DRC11: variants seen among roughly 807,000 people sequenced by gnomAD.
DRC11 encodes dynein regulatory complex subunit 11, also known as IQ and AAA domain-containing protein 1.
At chr2:236,488,105 A>C in the DRC11 span, 4,980 of 1,610,772 alleles carry the variant, frequency 3.1e-3, 121 homozygotes, top group African/African-American at 0.052. Context: ...TCATGAATAA[A>C]GCCCTTAGGC....
chr2:236,465,252 G>A, the DRC11 span, among the ~76,000 whole-genome samples: 5 of 152,310 alleles, frequency 3.3e-5, no homozygotes, highest in South Asian at 8.3e-4. The surrounding 1 kb of genome is among the most constrained non-coding windows in gnomAD (Gnocchi z 6.2). Context: ...GGCCTGTGAA[G>A]TCCTGCCATC....
the DRC11 span, chr2:236,363,769 G>GTAATCCAT: frequency 6.3e-7 from 1 of 1,590,282 alleles, no homozygotes; most frequent in Non-Finnish European, 8.6e-7. This position sits in a 1 kb window ranked among gnomAD's most constrained non-coding sequence, Gnocchi z 5.6. Flanking sequence ...ACCAAGAAAT[G>GTAATCCAT]TAATCCATAC....
chr2:236,439,086 T>G, the DRC11 span, among the ~76,000 whole-genome samples: 2 of 150,578 alleles, frequency 1.3e-5, no homozygotes, highest in Non-Finnish European at 3.0e-5. Flanking sequence ...GAGGGAAATT[T>G]ATAGCAGTAA....
chr2:236,413,147 C>T, the DRC11 span, among the ~76,000 whole-genome samples: 1 of 152,162 alleles, frequency 6.6e-6, no homozygotes, highest in African/African-American at 2.4e-5. The surrounding 1 kb of genome is among the most constrained non-coding windows in gnomAD (Gnocchi z 4.0). Flanking sequence ...GCCTGTGTAA[C>T]CAAATATATC....
the DRC11 span, among the ~76,000 whole-genome samples, chr2:236,349,322 G>C: frequency 6.6e-6 from 1 of 152,132 alleles, no homozygotes; most frequent in Non-Finnish European, 1.5e-5. The surrounding 1 kb of genome is among the most constrained non-coding windows in gnomAD (Gnocchi z 5.5). Flanking sequence ...AGCTCCAAAA[G>C]TAAATAAGAA....
the DRC11 span, among the ~76,000 whole-genome samples, chr2:236,504,059 C>A: frequency 6.6e-6 from 1 of 152,184 alleles, no homozygotes; most frequent in Admixed American, 6.5e-5. The surrounding 1 kb of genome is among the most constrained non-coding windows in gnomAD (Gnocchi z 5.0). Flanking sequence ...AGAACATTTT[C>A]ATCACTGGGA....
the DRC11 span, among the ~76,000 whole-genome samples, chr2:236,312,269 G>T: frequency 3.0e-4 from 45 of 152,210 alleles, no homozygotes; most frequent in Admixed American, 2.0e-3. Flanking sequence ...CCTTCACACA[G>T]AGCATTATAG....
At chr2:236,387,961 CT>C in the DRC11 span, among the ~76,000 whole-genome samples, 1 of 152,078 alleles carries the variant, frequency 6.6e-6, no homozygotes, top group Non-Finnish European at 1.5e-5. Context: ...GTTGAAAATT[CT>C]TTTCTTTAAG....
At chr2:236,392,073 T>G in the DRC11 span, 2 of 1,613,142 alleles carry the variant, frequency 1.2e-6, no homozygotes, top group Non-Finnish European at 1.7e-6. This position sits in a 1 kb window ranked among gnomAD's most constrained non-coding sequence, Gnocchi z 5.1. Flanking sequence ...CTCATCAACC[T>G]AGGAGAATAC....
chr2:236,497,210 C>T, the DRC11 span: 2 of 1,612,984 alleles, frequency 1.2e-6, no homozygotes, highest in Non-Finnish European at 8.5e-7. This position sits in a 1 kb window ranked among gnomAD's most constrained non-coding sequence, Gnocchi z 5.1. Context: ...TAATGGAACT[C>T]CGTGAGTTCC....
the DRC11 span, among the ~76,000 whole-genome samples, chr2:236,444,663 C>T: frequency 7.2e-5 from 11 of 152,200 alleles, no homozygotes; most frequent in East Asian, 2.1e-3. Flanking sequence ...TCATCTCACT[C>T]CCTGGACCAC....
chr2:236,335,805 C>A, the DRC11 span, among the ~76,000 whole-genome samples: 3 of 152,156 alleles, frequency 2.0e-5, no homozygotes, highest in South Asian at 6.2e-4. This position sits in a 1 kb window ranked among gnomAD's most constrained non-coding sequence, Gnocchi z 5.6. Flanking sequence ...CAGGGGTAGT[C>A]CTGCTAAGGC....
chr2:236,336,656 C>A, the DRC11 span, among the ~76,000 whole-genome samples: 2 of 152,190 alleles, frequency 1.3e-5, no homozygotes, highest in African/African-American at 4.8e-5. The surrounding 1 kb of genome is among the most constrained non-coding windows in gnomAD (Gnocchi z 7.3). Context: ...TGCCTCCACC[C>A]CTACTGCCAG....
the DRC11 span, among the ~76,000 whole-genome samples, chr2:236,309,894 G>C: frequency 1.3e-5 from 2 of 152,350 alleles, no homozygotes; most frequent in East Asian, 3.9e-4. This position sits in a 1 kb window ranked among gnomAD's most constrained non-coding sequence, Gnocchi z 5.7. Context: ...CTTGAGCTGA[G>C]TGACTGGCAT....
At chr2:236,322,230 T>C in the DRC11 span, among the ~76,000 whole-genome samples, 5 of 59,142 alleles carry the variant, frequency 8.5e-5, no homozygotes, top group South Asian at 4.4e-4. Context: ...TTCTTTCCTC[T>C]TTTTTTTTTT....
At chr2:236,471,073 C>T in the DRC11 span, among the ~76,000 whole-genome samples, 2 of 152,108 alleles carry the variant, frequency 1.3e-5, no homozygotes, top group Admixed American at 1.3e-4. The surrounding 1 kb of genome is among the most constrained non-coding windows in gnomAD (Gnocchi z 4.6). Flanking sequence ...AGTATTAACT[C>T]CCTTACTTCT....
the DRC11 span, among the ~76,000 whole-genome samples, chr2:236,326,791 G>GTT: frequency 2.4e-5 from 3 of 127,642 alleles, no homozygotes; most frequent in African/African-American, 9.2e-5. Flanking sequence ...TTTCAGATTT[G>GTT]TTGTGTGTGT....
At chr2:236,379,259 C>T in the DRC11 span, among the ~76,000 whole-genome samples, 1 of 150,128 alleles carries the variant, frequency 6.7e-6, no homozygotes, top group African/African-American at 2.5e-5. Flanking sequence ...GCGGAGGGAA[C>T]CCCCAAACAG....
chr2:236,463,881 T>C, the DRC11 span, among the ~76,000 whole-genome samples: 37 of 152,216 alleles, frequency 2.4e-4, no homozygotes, highest in Non-Finnish European at 5.4e-4. The surrounding 1 kb of genome is among the most constrained non-coding windows in gnomAD (Gnocchi z 5.0). Context: ...TCTCATCTGA[T>C]GGCTCACCTG....
Sources: gnomAD v4.1 joint callset for allele counts (sites outside exome capture counted in the v4.1 genomes callset) on GRCh38, gnomAD v4.1.1 for gene constraint, Gnocchi (gnomAD v3.1) non-coding constraint, MANE v1.5 for transcripts, NCBI Gene and HGNC (gene_info 2026-07-23, HGNC 2026-07-21) for gene names.